Variants in ST8SIA2 observed in about 807,000 individuals in gnomAD.
ST8SIA2 encodes alpha-2,8-sialyltransferase 8B.
A neutral mutation model predicts 37.6 loss-of-function variants in ST8SIA2; 22 were observed. The ratio of observed to expected loss-of-function variants is 0.58; its 90% CI spans 0.42 to 0.83. The LOEUF is 0.83. ST8SIA2 is among the 40% of genes least tolerant of loss of function. ST8SIA2 has a pLI of 0.00. For missense variants in ST8SIA2, 382 were observed against 484.7 expected (o/e 0.79, Z 1.99); for synonymous variants, 205 against 201.2 (o/e 1.02, Z -0.16).
At chr15:92,421,945 G>A (rs947832128) in intron 1 of ST8SIA2, among the ~76,000 whole-genome samples, 1 of 152,224 alleles carries the variant, frequency 6.6e-6, no homozygotes, top group Non-Finnish European at 1.5e-5. Context: ...ACCAGGCCTA[G>A]TGAAGTTTTT....
chr15:92,442,428 C>G (rs1002644229), intron 4 of ST8SIA2, among the ~76,000 whole-genome samples: 3 of 152,166 alleles, frequency 2.0e-5, no homozygotes, highest in Non-Finnish European at 4.4e-5. Flanking sequence ...TGCTTCACCC[C>G]TCGTGAGCCG....
At chr15:92,394,247 G>A in intron 1 of ST8SIA2, 85 bp downstream of exon 1, 1 of 1,197,686 alleles carries the variant, frequency 8.3e-7, no homozygotes, top group Admixed American at 2.0e-5. Flanking sequence ...GACCCCCTTT[G>A]TGTGCGCCGC....
intron 1 of ST8SIA2, among the ~76,000 whole-genome samples, chr15:92,426,313 G>A (rs554457391): frequency 6.6e-6 from 1 of 152,176 alleles, no homozygotes; most frequent in East Asian, 1.9e-4. Flanking sequence ...TGGGTTAGGG[G>A]GTTTGCATGG....
chr15:92,434,119 G>A, intron 2 of ST8SIA2, 128 bp from the exon 3 acceptor site: 3 of 1,315,946 alleles, frequency 2.3e-6, no homozygotes, highest in Non-Finnish European at 3.2e-6. Flanking sequence ...CTCTTCTCAG[G>A]TAATAACTGC....
intron 4 of ST8SIA2, among the ~76,000 whole-genome samples, chr15:92,443,455 C>T (rs1277315413): frequency 6.6e-6 from 1 of 152,224 alleles, no homozygotes; most frequent in Non-Finnish European, 1.5e-5. Context: ...TTGCAGTGGC[C>T]TCTTAGTTTG....
rs190123738 is a variant in ST8SIA2, at chr15:92,464,532, C to T, written c.*147C>T. On this transcript the variant is annotated 3_prime_UTR_variant, in exon 6 of 6. Transcript: ENST00000268164. ...AAAACAGTGACCAGAATATATATATCTATACCTGCATATATATATTGACCT... is the reference window on the plus strand; with the variant it reads ...AAAACAGTGACCAGAATATATATATTTATACCTGCATATATATATTGACCT... 2.5e-6 allele frequency: 2 copies of T among 803,592 alleles called. No homozygotes were observed. Among genetic ancestry groups the T allele is most frequent in the Admixed American group, 2.1e-5 (1 of 47,202 alleles). 49.8% of individuals were successfully genotyped at this position (803,592 alleles called of 1,614,324 possible).
chr15:92,453,526 G>C (rs1408781842), intron 5 of ST8SIA2, among the ~76,000 whole-genome samples: 1 of 152,220 alleles, frequency 6.6e-6, no homozygotes, highest in Non-Finnish European at 1.5e-5. Flanking sequence ...CCATCAGTGG[G>C]TGTGTGGTTG....
intron 5 of ST8SIA2, among the ~76,000 whole-genome samples, chr15:92,451,770 A>C (rs186884998): frequency 1.3e-5 from 2 of 152,246 alleles, no homozygotes; most frequent in East Asian, 3.9e-4. Context: ...CATTATCCCC[A>C]TTTTAAAGAT....
At chr15:92,407,705 C>T (rs2049518877) in intron 1 of ST8SIA2, among the ~76,000 whole-genome samples, 1 of 152,170 alleles carries the variant, frequency 6.6e-6, no homozygotes, top group Admixed American at 6.5e-5. Context: ...CTAGGGGAGC[C>T]TTTTAAAACC....
At chr15:92,403,768 A>C (rs2049487769) in intron 1 of ST8SIA2, among the ~76,000 whole-genome samples, 1 of 152,222 alleles carries the variant, frequency 6.6e-6, no homozygotes, top group Non-Finnish European at 1.5e-5. Context: ...CTCCTACTGC[A>C]TCTCTTGAGG....
Position 92,466,667 on chromosome 15 carries a change from A to C in ST8SIA2, c.*2282A>C, listed in dbSNP as rs1249230105. The C allele has an allele frequency of 6.6e-6, 1 of 152,242 alleles. No homozygotes were observed. The highest frequency in any genetic ancestry group is 2.4e-5 in the African/African-American group (1 of 41,436). The allele number at this position is 152,242 out of a possible 1,614,324, so 9.4% of individuals were successfully genotyped here. ...AGCTGATATGAGCTGGAGTGCAAGG[A>C]GTCCTTCCACCCTGCCTTCAGGTTC... On this transcript the variant is annotated 3_prime_UTR_variant, in exon 6 of 6. Transcript: ENST00000268164.
intron 5 of ST8SIA2, 28 bp from the exon 6 acceptor site, chr15:92,464,068 TTTTC>T (rs2049974751): frequency 6.7e-7 from 1 of 1,500,356 alleles, no homozygotes; most frequent in Non-Finnish European, 8.8e-7. Context: ...CCCATGTTTC[TTTTC>T]TTTTTTTTTT....
At position 92,418,495 on chromosome 15, in the gene ST8SIA2, A is replaced by C. The variant is rs114464173; in HGVS notation, c.99-11554A>C. On this transcript the variant is annotated intron_variant, in intron 1 of 5. Transcript: ENST00000268164. ...AAAAAAAAAAAAAAGGCTTCGGTAG[A>C]GTGCCTGGCACATGGAGGGGCTCAA... 5.9e-3 allele frequency among the ~76,000 whole-genome samples: 876 copies of C among 148,860 alleles called. 17 individuals are homozygous for C. Among genetic ancestry groups the C allele is most frequent in the African/African-American group, 0.021 (838 of 40,646 alleles).
At chr15:92,433,965 C>G (rs1031354073) in intron 2 of ST8SIA2, among the ~76,000 whole-genome samples, 4 of 151,816 alleles carry the variant, frequency 2.6e-5, no homozygotes, top group Non-Finnish European at 4.4e-5. Flanking sequence ...CAGTGACTGC[C>G]AGGTTTTACC....
chr15:92,416,191 T>G (rs2049585191), intron 1 of ST8SIA2, among the ~76,000 whole-genome samples: 1 of 107,974 alleles, frequency 9.3e-6, no homozygotes, highest in African/African-American at 3.7e-5. Flanking sequence ...CACCCTCAGG[T>G]GGACGAGCTC....
chr15:92,422,921 CTG>C (rs2049647501), intron 1 of ST8SIA2, among the ~76,000 whole-genome samples: 1 of 152,204 alleles, frequency 6.6e-6, no homozygotes, highest in Admixed American at 6.5e-5. Flanking sequence ...TTGCTCATCT[CTG>C]TGATGTTCTG....
intron 1 of ST8SIA2, among the ~76,000 whole-genome samples, chr15:92,394,475 T>A (rs1024353348): frequency 2.0e-5 from 3 of 151,162 alleles, no homozygotes; most frequent in Admixed American, 1.3e-4. Flanking sequence ...GTCGCCGGGG[T>A]CGAGGGAGGG....
chr15:92,422,987 C>G (rs921515956), intron 1 of ST8SIA2, among the ~76,000 whole-genome samples: 1 of 152,212 alleles, frequency 6.6e-6, no homozygotes, highest in Non-Finnish European at 1.5e-5. Context: ...TCTTCTGATA[C>G]GTGCTGTGTG....
At chr15:92,396,196 C>T (rs1327013693) in intron 1 of ST8SIA2, among the ~76,000 whole-genome samples, 1 of 152,210 alleles carries the variant, frequency 6.6e-6, no homozygotes, top group Non-Finnish European at 1.5e-5. Flanking sequence ...CCCAGGCTGA[C>T]CACTGGCTTG....
Sources: allele counts gnomAD v4.1 joint callset (sites outside exome capture counted in the v4.1 genomes callset), GRCh38; gene constraint gnomAD v4.1.1; transcripts MANE v1.5; gene names NCBI Gene and HGNC (gene_info 2026-07-23, HGNC 2026-07-21).